Variants in PCDH9 observed in about 807,000 individuals in gnomAD.
PCDH9 encodes the protein protocadherin-9.
Under a neutral mutation model 70.6 loss-of-function variants are expected in PCDH9, and 24 were observed. That is an observed-to-expected ratio of 0.34 (90% CI 0.25 to 0.48). The LOEUF is 0.48. PCDH9 is among the 20% of genes least tolerant of loss of function. PCDH9 has a pLI of 0.99. For synonymous variants in PCDH9, 562 were observed against 558.5 expected (o/e 1.01, Z -0.09); for missense variants, 1,281 against 1,503.6 (o/e 0.85, Z 2.45).
Position 66,345,939 on chromosome 13 carries a change from T to C in PCDH9, c.3341-40911A>G, listed in dbSNP as rs115137660. On this transcript the variant is annotated intron_variant, in intron 4 of 4. Transcript: ENST00000377865. ...AGGCATTGAAGTGTACACCACACAA[T>C]AAGCGTATAGGGGAAAAGCCGTCAA... 7.1e-3 allele frequency among the ~76,000 whole-genome samples: 1,080 copies of C among 152,274 alleles called. 11 individuals carry two copies. Among genetic ancestry groups the C allele is most frequent in the African/African-American group, 0.025 (1,024 of 41,554 alleles).
At position 66,853,439 on chromosome 13, in the gene PCDH9, C is replaced by T. The variant is rs531601937; in HGVS notation, c.3138+50065G>A. Among the ~76,000 whole-genome samples the T allele has an allele frequency of 1.5e-3, 227 of 152,180 alleles. 1 individual carries two copies. Among genetic ancestry groups the T allele is most frequent in the African/African-American group, 5.3e-3 (218 of 41,518 alleles). ...TTCCTTTCTCAGACCTCCAGCAATG[C>T]CTTTGATCTGGAGGAGTCTCCATAC... On this transcript the variant is annotated intron_variant, in intron 3 of 4. Coordinates refer to ENST00000377865, the MANE Select transcript of PCDH9 (RefSeq NM_203487.3).
intron 4 of PCDH9, among the ~76,000 whole-genome samples, chr13:66,612,506 T>G (rs1403142755): frequency 1.3e-5 from 2 of 152,202 alleles, no homozygotes; most frequent in Non-Finnish European, 1.5e-5. Context: ...CCAGATAAAA[T>G]ACAGTAAGAC....
rs139421700 is a variant in PCDH9 at position 66,532,765 on chromosome 13, T to C, written c.3340+98445A>G. On this transcript the variant is annotated intron_variant, in intron 4 of 4. Coordinates refer to ENST00000377865, the MANE Select transcript of PCDH9 (RefSeq NM_203487.3). ...CAAGGAGGGCAGATGTCAAGATTAA[T>C]TTTATTTTTTTAATCACTTACTTCC... is the stretch of plus-strand genomic sequence containing the variant. Among the ~76,000 whole-genome samples the C allele has an allele frequency of 5.9e-5, 9 of 152,164 alleles. No individual in the cohort carries two copies. The East Asian group carries it at 1.7e-3, about 29-fold the overall frequency.
At chr13:66,419,620 G>A (rs1189189845) in intron 4 of PCDH9, among the ~76,000 whole-genome samples, 1 of 152,062 alleles carries the variant, frequency 6.6e-6, no homozygotes, top group Non-Finnish European at 1.5e-5. Context: ...GTGCATTCCA[G>A]CCAAGATGCT....
chr13:66,873,158 A>G (rs1007288680), intron 3 of PCDH9, among the ~76,000 whole-genome samples: 1 of 152,128 alleles, frequency 6.6e-6, no homozygotes. Flanking sequence ...AACCTAAGCC[A>G]TGTCTGAATA....
intron 2 of PCDH9, among the ~76,000 whole-genome samples, chr13:67,172,877 C>CAAAAAAA: frequency 1.0e-5 from 1 of 99,082 alleles, no homozygotes; most frequent in Non-Finnish European, 1.8e-5. Context: ...GACTCCATCT[C>CAAAAAAA]AAAAAAAAAA....
intron 2 of PCDH9, among the ~76,000 whole-genome samples, chr13:67,006,247 A>C (rs558496857): frequency 2.0e-5 from 3 of 149,914 alleles, no homozygotes; most frequent in Admixed American, 1.3e-4. Context: ...AACAAACAAA[A>C]AAATTGGATC....
intron 2 of PCDH9, among the ~76,000 whole-genome samples, chr13:66,946,465 T>C (rs1336823755): frequency 6.6e-6 from 1 of 151,992 alleles, no homozygotes; most frequent in Non-Finnish European, 1.5e-5. Flanking sequence ...AGGCCAAGAG[T>C]ACAAGACCAG....
At chr13:66,467,992 C>T (rs928169420) in intron 4 of PCDH9, among the ~76,000 whole-genome samples, 2 of 152,054 alleles carry the variant, frequency 1.3e-5, no homozygotes, top group South Asian at 2.1e-4. Context: ...CATCTGCCCC[C>T]TTTTCTTCCT....
At chr13:66,315,550 C>T (rs535101302) in intron 4 of PCDH9, among the ~76,000 whole-genome samples, 3 of 152,240 alleles carry the variant, frequency 2.0e-5, no homozygotes, top group Admixed American at 6.5e-5. Flanking sequence ...GGCGCAATCT[C>T]GGCTCACTGC....
At chr13:67,059,368 G>C (rs2085488744) in intron 2 of PCDH9, among the ~76,000 whole-genome samples, 1 of 121,110 alleles carries the variant, frequency 8.3e-6, no homozygotes, top group Admixed American at 8.0e-5. Context: ...TATATATAGT[G>C]TGTATATATA....
At chr13:67,095,802 T>C (rs1248108263) in intron 2 of PCDH9, among the ~76,000 whole-genome samples, 1 of 152,186 alleles carries the variant, frequency 6.6e-6, no homozygotes, top group African/African-American at 2.4e-5. Context: ...ATACCTTATT[T>C]ATCATGTACT....
chr13:67,204,402 A>G (rs2089290055), intron 2 of PCDH9: 1 of 152,136 alleles, frequency 6.6e-6, no homozygotes, highest in Admixed American at 6.6e-5. Flanking sequence ...TGTCTACTAC[A>G]TCACCTCAGA....
At chr13:66,951,943 G>A (rs1348840965) in intron 2 of PCDH9, among the ~76,000 whole-genome samples, 3 of 152,112 alleles carry the variant, frequency 2.0e-5, no homozygotes, top group African/African-American at 4.8e-5. Context: ...ATAAACATGG[G>A]GGGTGTTGTA....
intron 3 of PCDH9, among the ~76,000 whole-genome samples, chr13:66,849,324 G>C (rs1014060776): frequency 2.0e-5 from 3 of 151,322 alleles, no homozygotes; most frequent in Non-Finnish European, 4.4e-5. Context: ...TCTTCTTCAG[G>C]GTACAATGAA....
intron 4 of PCDH9, among the ~76,000 whole-genome samples, chr13:66,626,839 G>A (rs1030586962): frequency 1.1e-4 from 17 of 151,918 alleles, no homozygotes; most frequent in Admixed American, 7.2e-4. Flanking sequence ...TTTACTTATT[G>A]TTTTAATCAA....
intron 4 of PCDH9, among the ~76,000 whole-genome samples, chr13:66,361,078 C>A (rs1956463517): frequency 6.6e-6 from 1 of 151,986 alleles, no homozygotes; most frequent in Admixed American, 6.6e-5. Context: ...AATAACATGG[C>A]CCTAGTGTGT....
At chr13:66,856,040 C>G (rs955192147) in intron 3 of PCDH9, among the ~76,000 whole-genome samples, 2 of 151,900 alleles carry the variant, frequency 1.3e-5, no homozygotes. Context: ...CTTGAATACA[C>G]TATAGGTATA....
In PCDH9 at chr13:66,589,958, A is replaced by C. The variant is rs186577620; in HGVS notation, c.3340+41252T>G. On this transcript the variant is annotated intron_variant, in intron 4 of 4. Transcript: ENST00000377865. ...CAAATTATTCCATGTGGTTCTATAAAAGTATAATTTTTTAAAAGTATGATT... is the reference window on the plus strand; with the variant it reads ...CAAATTATTCCATGTGGTTCTATAACAGTATAATTTTTTAAAAGTATGATT... 6.1e-4 allele frequency among the ~76,000 whole-genome samples: 93 copies of C among 152,124 alleles called. 1 individual carries two copies. Among genetic ancestry groups the C allele is most frequent in the South Asian group, 3.3e-3 (16 of 4,800 alleles).
Sources: allele counts gnomAD v4.1 joint callset (sites outside exome capture counted in the v4.1 genomes callset), GRCh38; gene constraint gnomAD v4.1.1; transcripts MANE v1.5; gene names NCBI Gene and HGNC (gene_info 2026-07-23, HGNC 2026-07-21).